Variants in CACNA1E observed in about 807,000 individuals in gnomAD.
CACNA1E encodes the protein voltage-dependent R-type calcium channel subunit alpha-1E.
CACNA1E carries 40 observed loss-of-function variants against 259.2 expected under a neutral mutation model. The observed-to-expected ratio is 0.15, with a 90% CI of 0.12 to 0.20. The LOEUF is 0.20. Among genes scored for constraint, CACNA1E ranks in the 10% least tolerant of loss-of-function variants. The pLI is 1.00. For synonymous variants in CACNA1E, 1,104 were observed against 1,138.5 expected (o/e 0.97, Z 0.61); for missense variants, 1,874 against 3,040.1 (o/e 0.62, Z 9.02).
chr1:181,428,490 G>A (rs1195361839), intron 2 of CACNA1E, among the ~76,000 whole-genome samples: 1 of 152,126 alleles, frequency 6.6e-6, no homozygotes, highest in African/African-American at 2.4e-5. Context: ...AGAGGCTTGT[G>A]AATTCAGAAG....
At chr1:181,665,775 T>C (rs993212695) in intron 7 of CACNA1E, among the ~76,000 whole-genome samples, 2 of 151,996 alleles carry the variant, frequency 1.3e-5, no homozygotes, top group Non-Finnish European at 2.9e-5. Context: ...ATGAAAAAAA[T>C]TTAAAAAGAT....
At chr1:181,786,407 G>A (rs1422680109) in intron 43 of CACNA1E, among the ~76,000 whole-genome samples, 1 of 152,194 alleles carries the variant, frequency 6.6e-6, no homozygotes, top group Non-Finnish European at 1.5e-5. Context: ...AAAGTCCTGG[G>A]TAGTAGAATG....
At chr1:181,332,838 T>A (rs1365099857) in intron 1 of CACNA1E, among the ~76,000 whole-genome samples, 2 of 152,162 alleles carry the variant, frequency 1.3e-5, no homozygotes, top group Admixed American at 1.3e-4. Context: ...AATGCTGATA[T>A]TACATCTGGG....
At chr1:181,327,216 T>C (rs977722885) in intron 1 of CACNA1E, among the ~76,000 whole-genome samples, 3 of 152,220 alleles carry the variant, frequency 2.0e-5, no homozygotes, top group Non-Finnish European at 4.4e-5. Flanking sequence ...TGGCAAATCC[T>C]GATTCTCCTT....
At position 181,483,893 on chromosome 1, in the gene CACNA1E, T is replaced by C; in HGVS notation, c.149T>C (p.Met50Thr). The part of the protein sequence containing the change: ...KQTKAQRART[M>T]ALYNPIPVRQ... ...ACGAAAGCACAGAGGGCGCGGACTA[T>C]GGCTTTGTACAACCCCATTCCCGTC... The change falls in exon 1 of 48, where the codon ATG becomes ACG. Residue 50 changes from methionine to threonine, a missense_variant. Physicochemically the swap from Met to Thr is moderately conservative, Grantham distance 81. Around this residue, in one of 14 missense-constraint regions of CACNA1E, gnomAD observed 110 missense variants for 122.8 expected, o/e 0.90. Coordinates refer to ENST00000367573, the MANE Select transcript of CACNA1E (RefSeq NM_001205293.3). 6.2e-7 allele frequency: 1 copy of C among 1,613,798 alleles called. No homozygotes were observed.
intron 6 of CACNA1E, among the ~76,000 whole-genome samples, chr1:181,643,846 A>T (rs199957): frequency 0.71 from 108,164 of 152,042 alleles, 40,064 homozygotes; most frequent in East Asian, 0.95. Context: ...CTGAATGACC[A>T]GAATGTGTGG....
chr1:181,380,819 A>G lies in CACNA1E; in HGVS notation c.-14-32314A>G, dbSNP rs77843379. ...TTAAAAAAAAATTAAACATATACCTACAAAATGATATAACCATTTTACCCA... is the reference window on the plus strand; with the variant it reads ...TTAAAAAAAAATTAAACATATACCTGCAAAATGATATAACCATTTTACCCA... On this transcript the variant is annotated intron_variant, in intron 1 of 11. Transcript: ENST00000524607. 7.4e-3 allele frequency among the ~76,000 whole-genome samples: 1,130 copies of G among 152,334 alleles called. 15 individuals carry two copies. The highest frequency in any genetic ancestry group is 0.026 in the African/African-American group (1,072 of 41,560).
intron 3 of CACNA1E, among the ~76,000 whole-genome samples, chr1:181,552,286 A>G (rs1256315818): frequency 6.6e-6 from 1 of 152,190 alleles, no homozygotes; most frequent in Non-Finnish European, 1.5e-5. Context: ...TCTTTTACAT[A>G]TGAGCAGCTG....
At chr1:181,788,753 G>A (rs190389134) in intron 43 of CACNA1E, among the ~76,000 whole-genome samples, 1 of 152,330 alleles carries the variant, frequency 6.6e-6, no homozygotes, top group Non-Finnish European at 1.5e-5. Context: ...TTCAAAGTAG[G>A]AGATCACTCT....
At chr1:181,750,040 A>G (rs1282076638) in intron 25 of CACNA1E, among the ~76,000 whole-genome samples, 3 of 152,268 alleles carry the variant, frequency 2.0e-5, no homozygotes, top group Admixed American at 1.3e-4. Flanking sequence ...CAGAGTGGGC[A>G]TAGTTCCTGC....
intron 35 of CACNA1E, among the ~76,000 whole-genome samples, chr1:181,768,882 C>T (rs913537561): frequency 2.6e-5 from 4 of 152,266 alleles, no homozygotes; most frequent in African/African-American, 7.2e-5. Flanking sequence ...AAATAATAAA[C>T]GCAAGGGCAG....
At chr1:181,435,078 C>G (rs547534028) in intron 2 of CACNA1E, among the ~76,000 whole-genome samples, 47 of 152,312 alleles carry the variant, frequency 3.1e-4, no homozygotes, top group Admixed American at 1.9e-3. Context: ...CATCTAAACC[C>G]TTCCTAAAGT....
At chr1:181,550,689 T>G (rs1281131979) in intron 3 of CACNA1E, among the ~76,000 whole-genome samples, 3 of 152,156 alleles carry the variant, frequency 2.0e-5, no homozygotes, top group African/African-American at 4.8e-5. Context: ...GCCCTGACCT[T>G]TTTCTGTTCC....
At chr1:181,438,862 A>T (rs1369901799) in intron 2 of CACNA1E, among the ~76,000 whole-genome samples, 2 of 152,068 alleles carry the variant, frequency 1.3e-5, no homozygotes, top group African/African-American at 4.8e-5. Context: ...GTGTACAAAG[A>T]TTTCATTGTA....
At chr1:181,545,013 A>T (rs1452491347) in intron 3 of CACNA1E, among the ~76,000 whole-genome samples, 1 of 152,190 alleles carries the variant, frequency 6.6e-6, no homozygotes, top group African/African-American at 2.4e-5. Flanking sequence ...CCCTACCCCC[A>T]GAGGGTAAGG....
intron 3 of CACNA1E, among the ~76,000 whole-genome samples, chr1:181,531,308 G>GC (rs2102730693): frequency 6.6e-6 from 1 of 152,260 alleles, no homozygotes; most frequent in East Asian, 1.9e-4. Flanking sequence ...TAGGGGGATA[G>GC]CCCCCTTCCT....
rs1668545623 is a variant in CACNA1E, at chr1:181,541,054, T to C, written c.512+29544T>C. Among the ~76,000 whole-genome samples the C allele has an allele frequency of 3.3e-5, 5 of 152,332 alleles. No homozygotes were observed. In the South Asian group the frequency reaches 1.0e-3, roughly 32 times the overall value. ...AAATCAAAGAAATCCAAAACACCTCTGCTCCCATGCATTTTGGATAAAGGA... is the reference window on the plus strand; with the variant it reads ...AAATCAAAGAAATCCAAAACACCTCCGCTCCCATGCATTTTGGATAAAGGA... On this transcript the variant is annotated intron_variant, in intron 3 of 47. Coordinates refer to ENST00000367573, the MANE Select transcript of CACNA1E (RefSeq NM_001205293.3).
At chr1:181,388,911 A>T (rs535605909) in intron 1 of CACNA1E, among the ~76,000 whole-genome samples, 1 of 151,742 alleles carries the variant, frequency 6.6e-6, no homozygotes, top group Non-Finnish European at 1.5e-5. Context: ...AAAACGTGTT[A>T]TGATCTTATG....
chr1:181,785,870 A>G, intron 43 of CACNA1E, 51 bp downstream of exon 43: 1 of 1,253,018 alleles, frequency 8.0e-7, no homozygotes, highest in Non-Finnish European at 1.2e-6. Flanking sequence ...TCTGTCACCC[A>G]TGCTGTTGTG....
Sources: allele counts gnomAD v4.1 joint callset (sites outside exome capture counted in the v4.1 genomes callset), GRCh38; gene constraint gnomAD v4.1.1; regional missense constraint gnomAD v4.1.1; transcripts MANE v1.5; gene names NCBI Gene and HGNC (gene_info 2026-07-23, HGNC 2026-07-21).